STK32C: variants seen among roughly 807,000 people sequenced by gnomAD.
The protein encoded by STK32C is serine/threonine-protein kinase 32C.
A neutral mutation model predicts 56.5 loss-of-function variants in STK32C; 31 were observed. The ratio of observed to expected loss-of-function variants is 0.55; its 90% confidence interval spans 0.41 to 0.74. The LOEUF is 0.74. STK32C is among the 30% of genes least tolerant of loss of function. The probability of loss-of-function intolerance (pLI) is 0.00; values close to 1 mark genes in which losing one functional copy is unlikely to be tolerated. For missense variants in STK32C, 544 were observed against 676.9 expected, an observed-to-expected ratio of 0.80 and a Z score of 2.18; for synonymous variants, 309 against 289.4, an observed-to-expected ratio of 1.07 and a Z score of -0.69.
At chr10:132,217,514 G>C (rs1307261639) in intron 10 of STK32C, among the ~76,000 whole-genome samples, 2 of 152,174 alleles carry the variant, frequency 1.3e-5, no homozygotes, top group Non-Finnish European at 2.9e-5. Flanking sequence ...AGGCATGATT[G>C]GTTCTGAAAT....
chr10:132,257,368 G>T (rs2064158234), intron 1 of STK32C, among the ~76,000 whole-genome samples: 1 of 134,774 alleles, frequency 7.4e-6, no homozygotes, highest in Non-Finnish European at 1.7e-5. Context: ...AGACGGAGGG[G>T]CTCCTAGGAA....
At chr10:132,291,294 C>G (rs1172557982) in intron 1 of STK32C, among the ~76,000 whole-genome samples, 1 of 152,232 alleles carries the variant, frequency 6.6e-6, no homozygotes, top group Admixed American at 6.5e-5. Context: ...ACAGGCCACA[C>G]AGGTCCACAG....
intron 2 of STK32C, among the ~76,000 whole-genome samples, chr10:132,229,482 C>G (rs1231978820): frequency 6.6e-6 from 1 of 152,172 alleles, no homozygotes. Flanking sequence ...GGTGACAGGG[C>G]GAGACCCTGT....
Position 132,226,895 on chromosome 10 carries a change from G to A in STK32C, c.544C>T (p.Leu182=), listed in dbSNP as rs774879951. ...LLLGGDLRYH[L]QQNVQFSEDT... ...TCGGAGAACTGCACGTTCTGCTGCA[G>A]GTGGTAGCGCAGGTCCCCGCCCAGT... Residue 182 remains leucine (L), a synonymous_variant, in exon 4 of 12, where the codon CTG becomes TTG. Coordinates refer to ENST00000298630, the MANE Select transcript of STK32C (RefSeq NM_173575.4). The A allele has an allele frequency of 2.9e-5, 46 of 1,613,366 alleles. No homozygotes were observed. Among genetic ancestry groups the A allele is most frequent in the Admixed American group, 6.7e-5 (4 of 60,016 alleles).
At chr10:132,304,093 T>A (rs1178589554) in intron 1 of STK32C, among the ~76,000 whole-genome samples, 1 of 152,190 alleles carries the variant, frequency 6.6e-6, no homozygotes, top group Non-Finnish European at 1.5e-5. Context: ...TAAAAATGTA[T>A]CCTAGGGAAA....
chr10:132,305,071 C>A (rs1204337959), intron 1 of STK32C, among the ~76,000 whole-genome samples: 1 of 152,218 alleles, frequency 6.6e-6, no homozygotes, highest in Non-Finnish European at 1.5e-5. Context: ...CAACGCCATG[C>A]AGCTCTGGTG....
chr10:132,211,697 C>T (rs1590129123), intron 10 of STK32C, among the ~76,000 whole-genome samples: 2 of 152,336 alleles, frequency 1.3e-5, no homozygotes, highest in Non-Finnish European at 2.9e-5. Context: ...TGCCAGCACA[C>T]ACACAGTCAG....
At chr10:132,234,186 G>T (rs1225860497) in intron 2 of STK32C, among the ~76,000 whole-genome samples, 1 of 152,098 alleles carries the variant, frequency 6.6e-6, no homozygotes, top group Non-Finnish European at 1.5e-5. Context: ...TGGGATCGAG[G>T]ACCTGTGTGC....
In STK32C at chr10:132,246,764, A is replaced by G. The variant is rs1209702998; in HGVS notation, c.263-809T>C. The stretch of plus-strand genomic sequence containing the variant: ...CAAACCCAGGACATTCTCCGTACAC[A>G]TAAGACGGGGGTCCCACAATGTCAC... On this transcript the variant is annotated intron_variant, in intron 1 of 11. Transcript: ENST00000298630. Among the ~76,000 whole-genome samples the G allele has an allele frequency of 4.6e-5, 7 of 152,224 alleles. No individual in the cohort carries two copies. The East Asian group carries it at 5.8e-4, about 13-fold the overall frequency.
intron 7 of STK32C, 39 bp from the exon 8 acceptor site, chr10:132,224,562 C>G (rs765414370): frequency 5.5e-6 from 8 of 1,463,470 alleles, no homozygotes; most frequent in Middle Eastern, 3.4e-4. Flanking sequence ...GTCCTCCTGG[C>G]CCCCAGGACA....
chr10:132,223,065 C>T, intron 8 of STK32C, 79 bp from the exon 9 acceptor site: 1 of 1,498,096 alleles, frequency 6.7e-7, no homozygotes, highest in Non-Finnish European at 8.9e-7. Context: ...CAGGCCAGGG[C>T]ACCTTGAGGA....
chr10:132,293,283 G>T (rs1018967130), intron 1 of STK32C, among the ~76,000 whole-genome samples: 2 of 152,218 alleles, frequency 1.3e-5, no homozygotes, highest in Admixed American at 6.5e-5. Flanking sequence ...TCCCCTCCTG[G>T]CTCTGAGATG....
chr10:132,322,425 A>G (rs563576185), downstream of STK32C, among the ~76,000 whole-genome samples: 54 of 152,318 alleles, frequency 3.5e-4, no homozygotes, highest in African/African-American at 1.2e-3. Context: ...GATTATTTCT[A>G]GTATAGTGAA....
intron 1 of STK32C, among the ~76,000 whole-genome samples, chr10:132,292,421 T>C (rs1218357583): frequency 6.6e-6 from 1 of 152,116 alleles, no homozygotes; most frequent in Non-Finnish European, 1.5e-5. Flanking sequence ...CACACACTCA[T>C]CCACACTCAG....
rs11818785 is a variant in STK32C at position 132,262,832 on chromosome 10, A to G, written c.263-16877T>C. Among the ~76,000 whole-genome samples, 563 of 152,266 alleles carry G rather than the reference A, an allele frequency of 3.7e-3. 3 individuals carry two copies. The highest frequency in any genetic ancestry group is 0.013 in the African/African-American group (551 of 41,546). ...GCAGATCCAAATGGCCAACAAGCAT[A>G]TGAAAAACATGCCCCACATCACTAA... On this transcript the variant is annotated intron_variant, in intron 1 of 11. Coordinates refer to ENST00000298630, the MANE Select transcript of STK32C (RefSeq NM_173575.4).
chr10:132,280,226 G>GACACTCCAC, intron 1 of STK32C, among the ~76,000 whole-genome samples: 1 of 112,910 alleles, frequency 8.9e-6, no homozygotes, highest in South Asian at 3.0e-4. Flanking sequence ...CTGTGATCAC[G>GACACTCCAC]CTGAGGCCTC....
chr10:132,268,977 G>A (rs2064718307), intron 1 of STK32C, among the ~76,000 whole-genome samples: 1 of 151,090 alleles, frequency 6.6e-6, no homozygotes, highest in Admixed American at 6.6e-5. Flanking sequence ...GTGTGTCGGT[G>A]TGTGTGCATG....
intron 10 of STK32C, among the ~76,000 whole-genome samples, chr10:132,217,580 C>A (rs1001756979): frequency 1.3e-5 from 2 of 152,128 alleles, no homozygotes; most frequent in African/African-American, 4.8e-5. Flanking sequence ...TTGGCTCTGT[C>A]CCCATCCCAA....
intron 1 of STK32C, among the ~76,000 whole-genome samples, chr10:132,265,195 G>T (rs2064469396): frequency 6.9e-6 from 1 of 144,286 alleles, no homozygotes; most frequent in African/African-American, 2.9e-5. Flanking sequence ...GAGCCGCAAG[G>T]GCAGTGAGGT....
Sources: gnomAD v4.1 joint callset for allele counts (sites outside exome capture counted in the v4.1 genomes callset) on GRCh38, gnomAD v4.1.1 for gene constraint, MANE v1.5 for transcripts, NCBI Gene and HGNC (gene_info 2026-07-23, HGNC 2026-07-21) for gene names.